Variants in TTYH3 observed in about 807,000 individuals in gnomAD.
TTYH3 encodes the protein tweety family member 3.
TTYH3 carries 23 observed loss-of-function variants against 68.2 expected under a neutral mutation model. That is an observed-to-expected ratio of 0.34 (90% CI 0.24 to 0.48). TTYH3 has a LOEUF of 0.48. Among genes scored for constraint, TTYH3 ranks in the 20% least tolerant of loss-of-function variants. TTYH3 has a pLI of 0.99. For missense variants in TTYH3, 768 were observed against 727.7 expected (o/e 1.06, Z -0.64); for synonymous variants, 360 against 332.8 (o/e 1.08, Z -0.89).
intron 1 of TTYH3, among the ~76,000 whole-genome samples, chr7:2,639,608 G>T (rs576318554): frequency 4.3e-4 from 66 of 152,378 alleles, no homozygotes; most frequent in African/African-American, 1.4e-3. Context: ...TTAGCCCGGA[G>T]CCCAGCCAGG....
At chr7:2,648,131 A>G in intron 5 of TTYH3, 77 bp downstream of exon 5, 2 of 1,363,886 alleles carry the variant, frequency 1.5e-6, no homozygotes, top group South Asian at 2.5e-5. Flanking sequence ...CCCTTCCCCC[A>G]CCTCATCTGC....
At position 2,664,469 on chromosome 7, in the gene TTYH3, T is replaced by C. The variant is rs1188364795; in HGVS notation, c.*2730T>C. On this transcript the variant is annotated 3_prime_UTR_variant, in exon 14 of 14. Coordinates refer to ENST00000258796, the MANE Select transcript of TTYH3 (RefSeq NM_025250.3). Reference sequence around the variant, plus strand: ...GTACTGAACCACTTCATATTTGTTATATATAATATATATATATATAATCTC... The same window carrying C: ...GTACTGAACCACTTCATATTTGTTACATATAATATATATATATATAATCTC... The C allele has an allele frequency of 6.6e-6, 1 of 151,408 alleles. No homozygotes were observed. The highest frequency in any genetic ancestry group is 2.4e-5 in the African/African-American group (1 of 41,212). The allele number at this position is 151,408 out of a possible 1,614,324, so 9.4% of individuals were successfully genotyped here.
intron 1 of TTYH3, 66 bp downstream of exon 1, chr7:2,632,344 G>T: frequency 7.1e-7 from 1 of 1,411,804 alleles, no homozygotes; most frequent in Non-Finnish European, 9.4e-7. Flanking sequence ...CTCTCCCAGG[G>T]TCACGGCCCC....
At position 2,662,142 on chromosome 7, in the gene TTYH3, G is replaced by A; in HGVS notation, c.*403G>A. On this transcript the variant is annotated 3_prime_UTR_variant, in exon 14 of 14. Transcript: ENST00000258796. ...CTGTGGACCCCTTCTTAGTTCACAG[G>A]CACGGCTGGGGCCGCTCTGTGCTGG... The A allele has an allele frequency of 2.6e-6, 1 of 378,920 alleles. No homozygotes were observed. The highest frequency in any genetic ancestry group is 5.0e-6 in the Non-Finnish European group (1 of 200,278). The allele number at this position is 378,920 out of a possible 1,614,324, so 23.5% of individuals were successfully genotyped here.
rs368190054 is a variant in TTYH3, at chr7:2,640,458, G to A, written c.124-6395G>A. On this transcript the variant is annotated intron_variant, in intron 1 of 13. Coordinates refer to ENST00000258796, the MANE Select transcript of TTYH3 (RefSeq NM_025250.3). ...CGTGACTTGCTGTGCACCCTCCCGA[G>A]TGGCATGCTTCCTCACACGCTGCCA... is the stretch of plus-strand genomic sequence containing the variant. Among the ~76,000 whole-genome samples, 8 of 152,276 alleles carry A rather than the reference G, an allele frequency of 5.3e-5. No homozygotes were observed. In the East Asian group the frequency reaches 9.7e-4, roughly 18 times the overall value.
chr7:2,642,993 G>A (rs1272259630), intron 1 of TTYH3, among the ~76,000 whole-genome samples: 1 of 150,962 alleles, frequency 6.6e-6, no homozygotes. Flanking sequence ...AACCTGGGAG[G>A]CGGAGGTTTC....
intron 3 of TTYH3, 45 bp from the exon 4 acceptor site, chr7:2,647,373 C>G: frequency 2.1e-6 from 3 of 1,460,862 alleles, no homozygotes; most frequent in Non-Finnish European, 2.7e-6. Flanking sequence ...GACTCTGGGG[C>G]GAGGCGGGCG....
rs1180496358 is a variant in TTYH3 at position 2,656,076 on chromosome 7, G to A, written c.1021-16G>A. On this transcript the variant is annotated splice_polypyrimidine_tract_variant and intron_variant, in intron 9 of 13. Transcript: ENST00000258796. ...TCCAAATGAAGTGCTGACCATCTGC[G>A]GTGCGTGCCCCCCAGGACCCCCTCC... is the stretch of plus-strand genomic sequence containing the variant. 2.6e-6 allele frequency: 4 copies of A among 1,528,734 alleles called. No individual in the cohort carries two copies. Among genetic ancestry groups the A allele is most frequent in the Non-Finnish European group, 3.5e-6 (4 of 1,129,088 alleles). The allele number at this position is 1,528,734 out of a possible 1,614,324, so 94.7% of individuals were successfully genotyped here.
chr7:2,632,425 G>C, intron 1 of TTYH3, 147 bp downstream of exon 1: 1 of 830,880 alleles, frequency 1.2e-6, no homozygotes, highest in South Asian at 2.4e-5. Flanking sequence ...CGCAGGTACC[G>C]GCCTCCTTCC....
chr7:2,653,048 C>T (rs1358146295), intron 9 of TTYH3, 38 bp downstream of exon 9: 9 of 1,514,720 alleles, frequency 5.9e-6, no homozygotes, highest in Non-Finnish European at 7.2e-6. Context: ...GCAGGCAGGG[C>T]TCCTCTTTTC....
intron 11 of TTYH3, among the ~76,000 whole-genome samples, chr7:2,657,683 G>A (rs1220247002): frequency 6.6e-6 from 1 of 152,158 alleles, no homozygotes; most frequent in Non-Finnish European, 1.5e-5. Context: ...AGTGTCGAGT[G>A]GGCACTTGAG....
At chr7:2,652,055 A>C (rs1476895937) in intron 7 of TTYH3, 132 bp from the exon 8 acceptor site, 8 of 747,632 alleles carry the variant, frequency 1.1e-5, no homozygotes, top group Admixed American at 8.0e-5. Flanking sequence ...ACAGGTGCAC[A>C]CAGACACACA....
At chr7:2,651,491 G>A (rs1385970604) in intron 7 of TTYH3, among the ~76,000 whole-genome samples, 2 of 152,214 alleles carry the variant, frequency 1.3e-5, no homozygotes, top group Non-Finnish European at 2.9e-5. Flanking sequence ...TGGCCCCGGT[G>A]CTATCATCCT....
At chr7:2,647,107 G>A in intron 2 of TTYH3, 35 bp from the exon 3 acceptor site, 1 of 1,560,754 alleles carries the variant, frequency 6.4e-7, no homozygotes, top group Non-Finnish European at 8.6e-7. Flanking sequence ...TGTGTGGGTG[G>A]GCGGGGCTAC....
chr7:2,659,572 G>A (rs950375127), intron 13 of TTYH3, among the ~76,000 whole-genome samples: 4 of 152,146 alleles, frequency 2.6e-5, no homozygotes, highest in African/African-American at 4.8e-5. Context: ...TTGACTTCCC[G>A]CGTAAGACAC....
chr7:2,655,025 G>A (rs1022993073), intron 9 of TTYH3, among the ~76,000 whole-genome samples: 1 of 152,186 alleles, frequency 6.6e-6, no homozygotes, highest in Admixed American at 6.5e-5. Flanking sequence ...CCTCTTTAAA[G>A]GCTGTGTCTC....
intron 1 of TTYH3, among the ~76,000 whole-genome samples, chr7:2,636,274 G>A (rs1488829825): frequency 6.6e-6 from 1 of 152,320 alleles, no homozygotes; most frequent in South Asian, 2.1e-4. Context: ...TGGTTAAAAC[G>A]GCAGTGTTGG....
chr7:2,649,542 T>G, intron 5 of TTYH3, 25 bp from the exon 6 acceptor site: 1 of 1,562,910 alleles, frequency 6.4e-7, no homozygotes, highest in Non-Finnish European at 8.6e-7. Flanking sequence ...GCCTGGGGGC[T>G]GCTGACTGGC....
intron 1 of TTYH3, among the ~76,000 whole-genome samples, chr7:2,634,978 G>A (rs1324107172): frequency 6.6e-6 from 1 of 152,116 alleles, no homozygotes; most frequent in Non-Finnish European, 1.5e-5. Flanking sequence ...GGGGCTGAGG[G>A]AGCTGTGAGA....
Sources: allele counts gnomAD v4.1 joint callset (sites outside exome capture counted in the v4.1 genomes callset), GRCh38; gene constraint gnomAD v4.1.1; transcripts MANE v1.5; gene names NCBI Gene and HGNC (gene_info 2026-07-23, HGNC 2026-07-21).